Variants in ZNF638 observed in about 807,000 individuals in gnomAD.
The protein encoded by ZNF638 is zinc finger protein 638, also known as CTCL tumor antigen se33-1.
Under a neutral mutation model 195.6 loss-of-function variants are expected in ZNF638, and 46 were observed. The ratio of observed to expected loss-of-function variants is 0.24; its 90% confidence interval spans 0.19 to 0.30. ZNF638 has a LOEUF of 0.30. ZNF638 is among the 10% of genes least tolerant of loss of function. ZNF638 has a pLI of 1.00. For missense variants in ZNF638, 2,440 were observed against 2,325.3 expected (o/e 1.05, Z -1.01); for synonymous variants, 845 against 772.0 (o/e 1.09, Z -1.57).
At chr2:71,332,128 C>T (rs1287063465) in intron 1 of ZNF638, among the ~76,000 whole-genome samples, 2 of 152,220 alleles carry the variant, frequency 1.3e-5, no homozygotes, top group African/African-American at 4.8e-5. Context: ...CGTCCGGGTA[C>T]TCGTGAAGGA....
At chr2:71,376,717 TA>T (rs3836136) in intron 8 of ZNF638, among the ~76,000 whole-genome samples, 137,261 of 152,094 alleles carry the variant, frequency 0.9, 62,008 homozygotes, top group Admixed American at 0.92. Context: ...ACAGAAAAGG[TA>T]AAAAAAATCC....
At chr2:71,434,628 A>G in intron 27 of ZNF638, 114 bp from the exon 28 acceptor site, 1 of 859,160 alleles carries the variant, frequency 1.2e-6, no homozygotes, top group Non-Finnish European at 1.8e-6. Flanking sequence ...CACTGTGTTT[A>G]TAATATTTTG....
chr2:71,402,268 A>G (rs1043853352), intron 16 of ZNF638, among the ~76,000 whole-genome samples, 181 bp downstream of exon 16: 1 of 152,206 alleles, frequency 6.6e-6, no homozygotes, highest in African/African-American at 2.4e-5. Context: ...GTAACGAGAC[A>G]TAGTTTTAAT....
intron 27 of ZNF638, among the ~76,000 whole-genome samples, chr2:71,434,285 T>C (rs1441446690): frequency 6.6e-6 from 1 of 152,136 alleles, no homozygotes; most frequent in African/African-American, 2.4e-5. Context: ...CCCTTCCCAG[T>C]CCTACTCGCA....
At chr2:71,385,380 A>T (rs968856164) in intron 10 of ZNF638, among the ~76,000 whole-genome samples, 1 of 152,228 alleles carries the variant, frequency 6.6e-6, no homozygotes, top group African/African-American at 2.4e-5. Context: ...ACTGGAAACA[A>T]CCCAAATGTT....
At chr2:71,369,088 AC>A (rs1212237367) in intron 7 of ZNF638, among the ~76,000 whole-genome samples, 2 of 152,152 alleles carry the variant, frequency 1.3e-5, no homozygotes, top group Non-Finnish European at 2.9e-5. Flanking sequence ...TAATCGCAGC[AC>A]TTTGGGAGGC....
intron 21 of ZNF638, 81 bp downstream of exon 21, chr2:71,418,720 C>A: frequency 1.0e-6 from 1 of 999,854 alleles, no homozygotes; most frequent in Non-Finnish European, 1.4e-6. Context: ...AGTAATGGCT[C>A]ACATGTAGTG....
chr2:71,410,990 C>A (rs961793949), intron 20 of ZNF638, among the ~76,000 whole-genome samples: 5 of 74,462 alleles, frequency 6.7e-5, no homozygotes, highest in South Asian at 6.2e-4. Flanking sequence ...ACCTCCCCCC[C>A]CCTTTTTTTT....
Position 71,426,958 on chromosome 2 carries a change from T to G in ZNF638, c.5089T>G (p.Ser1697Ala). The change falls in exon 24 of 28, where the codon TCA becomes GCA. Residue 1697 changes from serine (S) to alanine (A), a missense_variant. By Grantham distance (99) the Ser-to-Ala change is moderately conservative. This residue lies in a region of ZNF638 where 1,883 missense variants were observed against 1,739.1 expected (regional missense o/e 1.08). Coordinates refer to ENST00000264447, the MANE Select transcript of ZNF638 (RefSeq NM_014497.5). ...AGTGGAAGAGCTACCTTTGAATGAG[T>G]CAGCAGACATAACTTTTGCCACTTT... ...GEVEELPLNESADITFATLNT... is the reference protein window; with the variant it reads ...GEVEELPLNEAADITFATLNT... 6.2e-7 allele frequency: 1 copy of G among 1,613,132 alleles called. No homozygotes were observed. The highest frequency in any genetic ancestry group is 8.5e-7 in the Non-Finnish European group (1 of 1,179,642).
chr2:71,419,854 G>A (rs2080387575), intron 21 of ZNF638, among the ~76,000 whole-genome samples: 1 of 148,786 alleles, frequency 6.7e-6, no homozygotes, highest in Non-Finnish European at 1.5e-5. Context: ...TCCTCTCATT[G>A]TTTAGACATA....
intron 8 of ZNF638, among the ~76,000 whole-genome samples, chr2:71,378,411 T>G (rs1204176943): frequency 6.6e-6 from 1 of 152,118 alleles, no homozygotes; most frequent in African/African-American, 2.4e-5. Context: ...CAAAAGGAAA[T>G]GACAAGAGTG....
intron 1 of ZNF638, among the ~76,000 whole-genome samples, chr2:71,337,072 A>G (rs2078682955): frequency 6.6e-6 from 1 of 151,962 alleles, no homozygotes; most frequent in African/African-American, 2.4e-5. Context: ...AAATCCAAAA[A>G]TGTGTTTAAG....
chr2:71,388,668 C>A, intron 10 of ZNF638: 1 of 1,020,538 alleles, frequency 9.8e-7, no homozygotes, highest in Non-Finnish European at 1.6e-6. Context: ...GTGAGGAACA[C>A]TGCAAGGGAT....
chr2:71,344,899 A>G (rs1352281568), intron 1 of ZNF638, among the ~76,000 whole-genome samples: 1 of 152,240 alleles, frequency 6.6e-6, no homozygotes, highest in Non-Finnish European at 1.5e-5. Flanking sequence ...ATGGTAGAAG[A>G]CAAACTTTGC....
intron 1 of ZNF638, among the ~76,000 whole-genome samples, chr2:71,346,627 T>C (rs1173152613): frequency 6.6e-6 from 1 of 152,182 alleles, no homozygotes; most frequent in Admixed American, 6.5e-5. Context: ...GACTTAGCCA[T>C]GAACATAAAC....
Position 71,364,066 on chromosome 2 carries a change from C to T in ZNF638, c.1531C>T (p.Pro511Ser). The change falls in exon 5 of 28, where the codon CCA (proline) becomes TCA (serine). Residue 511 changes from proline (P) to serine (S), a missense_variant. Around this residue, in one of 5 missense-constraint regions of ZNF638, gnomAD observed 1,883 missense variants for 1,739.1 expected, o/e 1.08. Coordinates refer to ENST00000264447, the MANE Select transcript of ZNF638 (RefSeq NM_014497.5). Reference sequence around the variant, plus strand: ...TCACAGATTCCGTCGGTCTCGAAGCCCAATGCATTACATGTATAGGCCGAG... The same window carrying T: ...TCACAGATTCCGTCGGTCTCGAAGCTCAATGCATTACATGTATAGGCCGAG... ...SSHRFRRSRS[P>S]MHYMYRPRSR... 6.2e-7 allele frequency: 1 copy of T among 1,614,092 alleles called. No individual in the cohort carries two copies. Among genetic ancestry groups the T allele is most frequent in the Non-Finnish European group, 8.5e-7 (1 of 1,180,020 alleles).
At chr2:71,381,518 C>G (rs1483905873) in intron 10 of ZNF638, among the ~76,000 whole-genome samples, 1 of 152,012 alleles carries the variant, frequency 6.6e-6, no homozygotes, top group African/African-American at 2.4e-5. Context: ...CAGAAGATTA[C>G]TTCATCTGGG....
chr2:71,406,095 G>GT lies in ZNF638; in HGVS notation c.3001-27dup, dbSNP rs201836295. On this transcript the variant is annotated intron_variant, in intron 18 of 27. Coordinates refer to ENST00000264447, the MANE Select transcript of ZNF638 (RefSeq NM_014497.5). ...TTTACCGTTTGTTGCTTCAGCTGTG[G>GT]TTTTTTCTGTGCTGTCTCTTAAAAA... 4,676 of 1,609,900 alleles carry GT rather than the reference G, an allele frequency of 2.9e-3. 81 individuals carry two copies. In the African/African-American group the frequency reaches 0.043, roughly 15 times the overall value.
intron 1 of ZNF638, among the ~76,000 whole-genome samples, chr2:71,338,282 A>G (rs1193275856): frequency 6.6e-6 from 1 of 152,190 alleles, no homozygotes; most frequent in African/African-American, 2.4e-5. Flanking sequence ...TTCTACTCCA[A>G]CTGTTATTCT....
Sources: gnomAD v4.1 joint callset for allele counts (sites outside exome capture counted in the v4.1 genomes callset) on GRCh38, gnomAD v4.1.1 for gene constraint, gnomAD v4.1.1 regional missense constraint, MANE v1.5 for transcripts, NCBI Gene and HGNC (gene_info 2026-07-23, HGNC 2026-07-21) for gene names.